The following SLC9A7 variants were observed in gnomAD, a reference collection of about 807,000 sequenced individuals.
The protein encoded by SLC9A7 is sodium/hydrogen exchanger 7.
SLC9A7 carries 19 observed loss-of-function variants against 52.6 expected under a neutral mutation model. The observed-to-expected ratio is 0.36, with a 90% confidence interval of 0.25 to 0.53. The LOEUF is 0.53. Ranked by LOEUF, SLC9A7 falls within the 20% of genes least tolerant of loss-of-function variation. The pLI is 0.91. For synonymous variants in SLC9A7, 226 were observed against 252.1 expected, an observed-to-expected ratio of 0.90 and a Z score of 0.98; for missense variants, 455 against 597.9, an observed-to-expected ratio of 0.76 and a Z score of 2.49.
rs1252990748 is a variant in SLC9A7 at position 46,605,210 on chromosome X, A to G, written c.*1742T>C. On this transcript the variant is annotated 3_prime_UTR_variant, in exon 17 of 17. Transcript: ENST00000616978. ...CATCTCAAAAAAAAAAAAAAAAAGG[A>G]AAGAAAGAAAAAAAGAAAAGCCCAC... The G allele has an allele frequency of 8.2e-5, 9 of 109,175 alleles. No individual in the cohort carries two copies. Among genetic ancestry groups the G allele is most frequent in the African/African-American group, 2.7e-4 (8 of 30,119 alleles). The allele number at this position is 109,175 out of a possible 1,213,427, so 9.0% of individuals were successfully genotyped here.
chrX:46,749,156 T>TAAGAACTTGAAGGAGGAGGGGAGGG (rs1224530141), intron 1 of SLC9A7, among the ~76,000 whole-genome samples: 1 of 111,922 alleles, frequency 8.9e-6, no homozygotes, highest in African/African-American at 3.3e-5. Context: ...AGCTGAGGCA[T>TAAGAACTTGAAGGAGGAGGGGAGGG]AAGAACTTGA....
intron 14 of SLC9A7, among the ~76,000 whole-genome samples, chrX:46,626,544 G>A (rs1943132104): frequency 8.9e-6 from 1 of 112,780 alleles, no homozygotes; most frequent in Non-Finnish European, 1.9e-5. Context: ...CGAAGTGCTG[G>A]GATTACAGGT....
intron 1 of SLC9A7, among the ~76,000 whole-genome samples, chrX:46,706,658 T>C (rs1944610098): frequency 1.8e-5 from 2 of 111,523 alleles, no homozygotes; most frequent in South Asian, 7.5e-4. Flanking sequence ...GTTTCTTCTC[T>C]GCATTCCCTG....
At chrX:46,697,895 T>A (rs1477302204) in intron 1 of SLC9A7, among the ~76,000 whole-genome samples, 1 of 111,765 alleles carries the variant, frequency 8.9e-6, no homozygotes, top group Non-Finnish European at 1.9e-5. Context: ...AAAGAGAATG[T>A]GCACCTGGGG....
chrX:46,728,925 G>A (rs932119290), intron 1 of SLC9A7, among the ~76,000 whole-genome samples: 1 of 112,076 alleles, frequency 8.9e-6, no homozygotes, highest in Non-Finnish European at 1.9e-5. Flanking sequence ...TTCTAAAAAC[G>A]GCAAAACTAT....
intron 7 of SLC9A7, 38 bp downstream of exon 7, chrX:46,661,978 G>A (rs1211215203): frequency 1.3e-5 from 15 of 1,134,219 alleles, no homozygotes; most frequent in Non-Finnish European, 1.8e-5. Flanking sequence ...TGCCACACAC[G>A]CATACCCAGG....
chrX:46,669,653 G>A lies in SLC9A7; in HGVS notation c.747C>T (p.Tyr249=), dbSNP rs745969003. 5.0e-6 allele frequency: 6 copies of A among 1,192,198 alleles called. No individual in the cohort carries two copies. The change falls in exon 5 of 17, where the codon TAC becomes TAT. Residue 249 remains tyrosine, a synonymous_variant. Transcript: ENST00000616978. ...TTGCTCCAAAAAAGAGACAATCTGTGTAGTAAAATTTATCTGAGAGCTGTC... is the reference window on the plus strand; with the variant it reads ...TTGCTCCAAAAAAGAGACAATCTGTATAGTAAAATTTATCTGAGAGCTGTC... ...IMGQLSDKFY[Y]TDCLFFGAII...
At chrX:46,681,745 C>T (rs1315296338) in intron 2 of SLC9A7, among the ~76,000 whole-genome samples, 1 of 111,934 alleles carries the variant, frequency 8.9e-6, no homozygotes, top group Non-Finnish European at 1.9e-5. Context: ...ATGTATAATG[C>T]TTTTTCATGT....
chrX:46,671,330 G>T (rs748765670), intron 4 of SLC9A7, among the ~76,000 whole-genome samples: 1 of 110,305 alleles, frequency 9.1e-6, no homozygotes, highest in Admixed American at 9.7e-5. Flanking sequence ...GCGCAATCTC[G>T]GCTCACTGCA....
intron 4 of SLC9A7, among the ~76,000 whole-genome samples, chrX:46,671,700 GAAC>G (rs756634747): frequency 1.8e-5 from 2 of 112,033 alleles, no homozygotes; most frequent in Admixed American, 1.9e-4. Context: ...GGTTTTAAGT[GAAC>G]AACCAGAGAG....
intron 1 of SLC9A7, among the ~76,000 whole-genome samples, chrX:46,696,391 G>A (rs1406699665): frequency 4.5e-5 from 5 of 111,308 alleles, no homozygotes; most frequent in Non-Finnish European, 9.4e-5. Flanking sequence ...CCCCAGCCCT[G>A]AAAAATTACA....
chrX:46,750,602 G>A (rs782520893), intron 1 of SLC9A7, among the ~76,000 whole-genome samples: 4 of 111,730 alleles, frequency 3.6e-5, no homozygotes, highest in Admixed American at 9.5e-5. Flanking sequence ...CTCCCGCTTC[G>A]GCCTCCCAAA....
chrX:46,611,953 C>T (rs1218233847), intron 16 of SLC9A7, among the ~76,000 whole-genome samples: 1 of 111,862 alleles, frequency 8.9e-6, no homozygotes. Flanking sequence ...CCCTGCTACC[C>T]CTCGTTAGAA....
intron 1 of SLC9A7, among the ~76,000 whole-genome samples, chrX:46,704,154 G>A (rs1031643790): frequency 2.7e-5 from 3 of 110,721 alleles, no homozygotes; most frequent in Admixed American, 9.7e-5. Flanking sequence ...TATTCACCCT[G>A]CAGGACCACC....
chrX:46,714,572 T>TATATTTTTTGAGATCCCCGACAA (rs750973505), intron 1 of SLC9A7, among the ~76,000 whole-genome samples: 1 of 111,550 alleles, frequency 9.0e-6, no homozygotes, highest in Non-Finnish European at 1.9e-5. Context: ...GGACAACACA[T>TATATTTTTTGAGATCCCCGACAA]ATATTTTTTG....
intron 1 of SLC9A7, among the ~76,000 whole-genome samples, chrX:46,741,097 AAGACCTGTAC>A (rs1921319771): frequency 8.9e-6 from 1 of 112,086 alleles, no homozygotes; most frequent in Non-Finnish European, 1.9e-5. Flanking sequence ...AAATATATGT[AAGACCTGTAC>A]ATTGAAACTA....
rs781406906 is a variant in SLC9A7 at position 46,650,627 on chromosome X, G to A, written c.1350+483C>T. 8.1e-5 allele frequency among the ~76,000 whole-genome samples: 9 copies of A among 111,296 alleles called. No individual in the cohort carries two copies. In the South Asian group the frequency reaches 1.9e-3, roughly 23 times the overall value. On this transcript the variant is annotated intron_variant, in intron 10 of 16. Transcript: ENST00000616978. ...AGGAAGGGCTGCCCATACTGCAGAC[G>A]TAGTCATGAGCAAGAGGAACAGAAC...
At chrX:46,732,757 C>T (rs894683163) in intron 1 of SLC9A7, among the ~76,000 whole-genome samples, 1 of 111,548 alleles carries the variant, frequency 9.0e-6, no homozygotes, top group African/African-American at 3.3e-5. Flanking sequence ...CAAATACACC[C>T]GCACATACAT....
intron 12 of SLC9A7, among the ~76,000 whole-genome samples, chrX:46,638,060 A>G (rs1233144142): frequency 8.9e-6 from 1 of 111,985 alleles, no homozygotes; most frequent in African/African-American, 3.2e-5. Flanking sequence ...AGCCTGGAGA[A>G]GTAAAGAATG....
Sources: allele counts gnomAD v4.1 joint callset (sites outside exome capture counted in the v4.1 genomes callset), GRCh38; gene constraint gnomAD v4.1.1; transcripts MANE v1.5; gene names NCBI Gene and HGNC (gene_info 2026-07-23, HGNC 2026-07-21).